TSGA10: variants seen among roughly 807,000 people sequenced by gnomAD.
TSGA10 encodes the protein testis-specific gene 10 protein.
A neutral mutation model predicts 96.6 loss-of-function variants in TSGA10; 43 were observed. That is an observed-to-expected ratio of 0.44 (90% CI 0.35 to 0.57). The LOEUF is 0.57. Among genes scored for constraint, TSGA10 ranks in the 20% least tolerant of loss-of-function variants. The pLI, the probability that TSGA10 is intolerant of heterozygous loss-of-function variation, is 0.01. For missense variants in TSGA10, 703 were observed against 834.4 expected (o/e 0.84, Z 1.94); for synonymous variants, 229 against 269.9 (o/e 0.85, Z 1.48).
intron 12 of TSGA10, among the ~76,000 whole-genome samples, chr2:99,074,000 CTTTTTTTTTTTTT>C (rs1167854716): frequency 4.7e-3 from 247 of 52,658 alleles, no homozygotes; most frequent in Non-Finnish European, 7.4e-3. Context: ...TGTTTCTTTT[CTTTTTTTTTTTTT>C]TTTTTTTTTT....
At chr2:99,109,318 G>C in intron 6 of TSGA10, 71 bp downstream of exon 6, 2 of 1,486,374 alleles carry the variant, frequency 1.3e-6, no homozygotes, top group Non-Finnish European at 1.9e-6. Flanking sequence ...TTTCAAATTA[G>C]GTAAAACAAA....
intron 17 of TSGA10, among the ~76,000 whole-genome samples, chr2:99,025,298 C>T (rs772230563): frequency 5.3e-5 from 8 of 152,150 alleles, no homozygotes; most frequent in Non-Finnish European, 1.0e-4. Context: ...TCTATTTTCA[C>T]CTCTTTAGGT....
At position 99,117,727 on chromosome 2, in the gene TSGA10, C is replaced by T. The variant is rs1574501376; in HGVS notation, c.-323G>A. 1 of 985,584 alleles carries T rather than the reference C, an allele frequency of 1.0e-6. No individual in the cohort carries two copies. Among genetic ancestry groups the T allele is most frequent in the Non-Finnish European group, 1.2e-6 (1 of 829,890 alleles). 61.1% of individuals were successfully genotyped at this position (985,584 alleles called of 1,614,324 possible). A position where few individuals can be genotyped will look rare whatever the true frequency, so the allele number is the denominator to read the frequency against. ...CCAAGAGTTTCCTAACATATTCTTC[C>T]AAGCCATGATTTGTCTGTTTGAGAT... On this transcript the variant is annotated 5_prime_UTR_variant, in exon 4 of 21. The change creates a premature stop within an existing upstream ORF in the 5' untranslated region. Coordinates refer to ENST00000393483, the MANE Select transcript of TSGA10 (RefSeq NM_025244.4).
At chr2:99,011,455 C>A (rs1167956826) in intron 20 of TSGA10, among the ~76,000 whole-genome samples, 1 of 152,068 alleles carries the variant, frequency 6.6e-6, no homozygotes, top group South Asian at 2.1e-4. Context: ...TAGAATTAGC[C>A]CAATCAGACA....
At chr2:99,111,831 T>G (rs1002381629) in intron 4 of TSGA10, among the ~76,000 whole-genome samples, 1 of 152,130 alleles carries the variant, frequency 6.6e-6, no homozygotes, top group African/African-American at 2.4e-5. Context: ...AGGTCTACTC[T>G]GAATGTGTTA....
chr2:99,121,186 A>G (rs1015417158), intron 2 of TSGA10, among the ~76,000 whole-genome samples: 2 of 152,142 alleles, frequency 1.3e-5, no homozygotes, highest in African/African-American at 4.8e-5. Flanking sequence ...AATGCCCAGG[A>G]GCACAACTGC....
At chr2:99,015,411 G>A (rs950401149) in intron 20 of TSGA10, among the ~76,000 whole-genome samples, 3 of 152,102 alleles carry the variant, frequency 2.0e-5, no homozygotes, top group Non-Finnish European at 2.9e-5. Context: ...CTTAATAGAT[G>A]CAGAAAAAGC....
intron 1 of TSGA10, chr2:99,141,260 G>A (rs1449079879): frequency 4.8e-6 from 4 of 836,112 alleles, no homozygotes; most frequent in African/African-American, 1.9e-5. Flanking sequence ...CGGCGGATCG[G>A]AGGAAGGACG....
At chr2:99,082,594 A>G (rs1031061574) in intron 10 of TSGA10, among the ~76,000 whole-genome samples, 3 of 152,056 alleles carry the variant, frequency 2.0e-5, no homozygotes, top group Non-Finnish European at 4.4e-5. Flanking sequence ...GATTGGTCAT[A>G]TAATCAGGAA....
At chr2:99,068,854 G>A (rs2085576749) in intron 15 of TSGA10, 34 bp downstream of exon 15, 1 of 1,073,822 alleles carries the variant, frequency 9.3e-7, no homozygotes, top group East Asian at 2.9e-5. Flanking sequence ...TGAAAACTAA[G>A]TATCATGAGC....
At chr2:99,073,190 C>A in intron 12 of TSGA10, 117 bp from the exon 13 acceptor site, 1 of 639,150 alleles carries the variant, frequency 1.6e-6, no homozygotes, top group Non-Finnish European at 2.7e-6. Flanking sequence ...GTTTTAAAAA[C>A]ATGTATGTCC....
chr2:99,062,259 G>C (rs2084785498), intron 16 of TSGA10, among the ~76,000 whole-genome samples: 1 of 151,814 alleles, frequency 6.6e-6, no homozygotes, highest in African/African-American at 2.4e-5. Flanking sequence ...AGGTCATGTA[G>C]AATATTATCA....
chr2:99,154,001 C>A (rs536673854), intron 1 of TSGA10, among the ~76,000 whole-genome samples: 2 of 152,334 alleles, frequency 1.3e-5, no homozygotes, highest in Admixed American at 6.5e-5. Flanking sequence ...CATTACCCCA[C>A]GCCTTAACTC....
intron 2 of TSGA10, among the ~76,000 whole-genome samples, chr2:99,123,889 T>C (rs545636426): frequency 3.3e-4 from 50 of 152,246 alleles, no homozygotes; most frequent in Non-Finnish European, 5.9e-4. Context: ...TTTGTTGACA[T>C]TTGGGTTTTT....
intron 1 of TSGA10, among the ~76,000 whole-genome samples, chr2:99,129,171 T>C (rs1250608800): frequency 6.6e-6 from 1 of 152,220 alleles, no homozygotes. Context: ...CCAGGTTTTC[T>C]CTGTCTTCTC....
intron 20 of TSGA10, among the ~76,000 whole-genome samples, chr2:99,011,882 G>A (rs1461729531): frequency 3.3e-5 from 5 of 152,132 alleles, no homozygotes; most frequent in African/African-American, 1.2e-4. Context: ...TAGGCACAAA[G>A]TCATCAGGAT....
chr2:99,100,357 G>T (rs1290833149), intron 10 of TSGA10, among the ~76,000 whole-genome samples: 1 of 152,100 alleles, frequency 6.6e-6, no homozygotes, highest in Non-Finnish European at 1.5e-5. Context: ...ACAGATTATT[G>T]ACCCTAGAAA....
chr2:99,087,713 T>C (rs1425218013), intron 10 of TSGA10, among the ~76,000 whole-genome samples: 1 of 152,030 alleles, frequency 6.6e-6, no homozygotes, highest in Non-Finnish European at 1.5e-5. Context: ...TAAAATTTTT[T>C]GTTCATCAAA....
At chr2:99,139,792 CTG>C (rs1035151980) in intron 1 of TSGA10, among the ~76,000 whole-genome samples, 6 of 152,128 alleles carry the variant, frequency 3.9e-5, no homozygotes, top group African/African-American at 1.4e-4. Context: ...ACAAGCCAAA[CTG>C]TAATGTGCAT....
Sources: allele counts gnomAD v4.1 joint callset (sites outside exome capture counted in the v4.1 genomes callset), GRCh38; gene constraint gnomAD v4.1.1; transcripts MANE v1.5; gene names NCBI Gene and HGNC (gene_info 2026-07-23, HGNC 2026-07-21).